ALOXE3: variants seen among roughly 807,000 people sequenced by gnomAD.
The protein encoded by ALOXE3 is arachidonate epidermal lipoxygenase 3, also known as hydroperoxide isomerase ALOXE3.
ALOXE3 carries 78 observed loss-of-function variants against 87.5 expected under a neutral mutation model. The observed-to-expected ratio is 0.89, with a 90% CI of 0.74 to 1.08. The LOEUF is 1.08. ALOXE3 is among the 50% of genes least tolerant of loss of function. ALOXE3 has a pLI of 0.00. For missense variants in ALOXE3, 946 were observed against 912.4 expected, an observed-to-expected ratio of 1.04 and a Z score of -0.47; for synonymous variants, 363 against 370.8, an observed-to-expected ratio of 0.98 and a Z score of 0.24.
rs201702875 is a variant in ALOXE3 at position 8,107,966 on chromosome 17, G to GAAAGGAA, written c.1684+501_1684+502insTTCCTTT. 7.7e-4 allele frequency among the ~76,000 whole-genome samples: 5 copies of GAAAGGAA among 6,476 alleles called. 1 individual carries two copies. The highest frequency in any genetic ancestry group is 2.9e-3 in the African/African-American group (5 of 1,734). 4.2% of individuals were successfully genotyped at this position (6,476 alleles called of 152,430 possible). A position where few individuals can be genotyped will look rare whatever the true frequency, so the allele number is the denominator to read the frequency against. The stretch of plus-strand genomic sequence containing the variant: ...GAAAGAAAGAAAGAAAGAAAGGAAG[G>GAAAGGAA]AGAGAGAGAGAGAGAGAAAGAAAGA... On this transcript the variant is annotated intron_variant, in intron 13 of 15. Transcript: ENST00000448843.
chr17:8,100,334 A>T (rs1455369530), intron 15 of ALOXE3, among the ~76,000 whole-genome samples: 1 of 152,028 alleles, frequency 6.6e-6, no homozygotes, highest in Non-Finnish European at 1.5e-5. Context: ...ATATGGAGAG[A>T]GAGAAAAACC....
At chr17:8,111,603 G>C in intron 7 of ALOXE3, 72 bp from the exon 8 acceptor site, 1 of 1,536,214 alleles carries the variant, frequency 6.5e-7, no homozygotes, top group Non-Finnish European at 9.0e-7. Flanking sequence ...CAAGTCCTTT[G>C]CTTATCATTG....
chr17:8,098,228 G>GTTTT (rs201308859), intron 15 of ALOXE3, among the ~76,000 whole-genome samples: 51 of 88,144 alleles, frequency 5.8e-4, no homozygotes, highest in East Asian at 3.7e-3. Flanking sequence ...TATACTTTTG[G>GTTTT]TTTTTGTTTT....
intron 8 of ALOXE3, 62 bp downstream of exon 8, chr17:8,111,297 G>C: frequency 6.3e-7 from 1 of 1,594,554 alleles, no homozygotes; most frequent in Non-Finnish European, 8.6e-7. Flanking sequence ...CACATCCCTT[G>C]TCCATAATGG....
At chr17:8,115,810 G>A in intron 3 of ALOXE3, 122 bp from the exon 4 acceptor site, 1 of 929,290 alleles carries the variant, frequency 1.1e-6, no homozygotes, top group Non-Finnish European at 1.8e-6. Context: ...TGAAACACGT[G>A]GCGGTGCCCC....
chr17:8,112,728 A>G (rs1313086531), intron 6 of ALOXE3, among the ~76,000 whole-genome samples: 1 of 152,180 alleles, frequency 6.6e-6, no homozygotes, highest in Non-Finnish European at 1.5e-5. Flanking sequence ...GGAGAGATGC[A>G]TACTCTTCAC....
intron 6 of ALOXE3, 100 bp downstream of exon 6, chr17:8,114,384 G>A: frequency 6.5e-7 from 1 of 1,535,592 alleles, no homozygotes; most frequent in Non-Finnish European, 9.0e-7. Flanking sequence ...GGCAGGGAGA[G>A]GGGATACTGG....
At position 8,108,509 on chromosome 17, in the gene ALOXE3, C is replaced by T. The variant is rs1204314023; in HGVS notation, c.1643G>A (p.Gly548Asp). The change falls in exon 13 of 16, where the codon GGC (glycine) becomes GAC (aspartate). Residue 548 changes from glycine to aspartate, a missense_variant. Coordinates refer to ENST00000448843, the MANE Select transcript of ALOXE3 (RefSeq NM_021628.3). ...QQDSELQAWTGEIFAQAFLGR... is the reference protein window; with the variant it reads ...QQDSELQAWTDEIFAQAFLGR... The stretch of plus-strand genomic sequence containing the variant: ...CAGGAACGCCTGAGCAAAAATCTCG[C>T]CAGTCCAGGCCTGCAGCTCCGAATC... 1.2e-6 allele frequency: 2 copies of T among 1,613,562 alleles called. No homozygotes were observed. Among genetic ancestry groups the T allele is most frequent in the South Asian group, 1.1e-5 (1 of 91,074 alleles).
chr17:8,112,326 G>A (rs181612459), intron 6 of ALOXE3, 130 bp from the exon 7 acceptor site: 19 of 711,816 alleles, frequency 2.7e-5, no homozygotes, highest in Admixed American at 2.5e-4. Context: ...AATCCACATG[G>A]GAGAAAAAGT....
At position 8,095,979 on chromosome 17, in the gene ALOXE3, G is replaced by A. The variant is rs531706167; in HGVS notation, c.*648C>T. 6.6e-6 allele frequency: 1 copy of A among 152,508 alleles called. No individual in the cohort carries two copies. Among genetic ancestry groups the A allele is most frequent in the East Asian group, 1.9e-4 (1 of 5,194 alleles). 9.4% of individuals were successfully genotyped at this position (152,508 alleles called of 1,614,324 possible). A position where few individuals can be genotyped will look rare whatever the true frequency, so the allele number is the denominator to read the frequency against. On this transcript the variant is annotated 3_prime_UTR_variant, in exon 16 of 16. Transcript: ENST00000448843. ...AAAAAAATGGGATGAAAGGGAGTGG[G>A]ATGAAAGGGGAGTTGGATGAAATCT...
At chr17:8,111,747 A>C (rs1442097684) in intron 7 of ALOXE3, among the ~76,000 whole-genome samples, 1 of 152,190 alleles carries the variant, frequency 6.6e-6, no homozygotes, top group East Asian at 1.9e-4. Flanking sequence ...TGAGAACCTA[A>C]GCCTTTCTGG....
intron 15 of ALOXE3, 60 bp downstream of exon 15, chr17:8,103,263 C>A (rs1254424066): frequency 2.5e-6 from 4 of 1,599,204 alleles, no homozygotes; most frequent in Non-Finnish European, 2.6e-6. Flanking sequence ...GACGAAGCCA[C>A]CACCACCCCT....
Position 8,116,877 on chromosome 17 carries a change from C to T in ALOXE3, c.251G>A (p.Cys84Tyr). Reference sequence around the variant, plus strand: ...CGGTTCGGTGACACAGATGCGGCTACAGTACCAAGAGTCCTTGCGGAAGAA... The same window carrying T: ...CGGTTCGGTGACACAGATGCGGCTATAGTACCAAGAGTCCTTGCGGAAGAA... Reference protein sequence around the residue: ...YAFFRKDSWYCSRICVTEPDG... With the variant: ...YAFFRKDSWYYSRICVTEPDG... The change falls in exon 3 of 16, where the codon TGT becomes TAT. Residue 84 changes from cysteine to tyrosine, a missense_variant. Transcript: ENST00000448843. The T allele has an allele frequency of 6.2e-7, 1 of 1,614,240 alleles. No homozygotes were observed. Among genetic ancestry groups the T allele is most frequent in the Non-Finnish European group, 8.5e-7 (1 of 1,180,030 alleles).
intron 13 of ALOXE3, among the ~76,000 whole-genome samples, chr17:8,105,109 G>A (rs1023343055): frequency 1.5e-4 from 23 of 152,102 alleles, no homozygotes; most frequent in Admixed American, 1.3e-3. Context: ...GTCACCCCTC[G>A]CTAAAACCCT....
chr17:8,118,230 T>G lies in ALOXE3; in HGVS notation c.-240A>C. 4 of 1,551,632 alleles carry G rather than the reference T, an allele frequency of 2.6e-6. No homozygotes were observed. The highest frequency in any genetic ancestry group is 3.5e-6 in the Non-Finnish European group (4 of 1,146,972). Reference sequence around the variant, plus strand: ...CGCCCACAGTCTTGCACTCTAATACTTGTTTGCTTGCCTCTGACACAGCCG... The same window carrying G: ...CGCCCACAGTCTTGCACTCTAATACGTGTTTGCTTGCCTCTGACACAGCCG... On this transcript the variant is annotated 5_prime_UTR_variant, in exon 2 of 16. Transcript: ENST00000448843.
In ALOXE3 at chr17:8,117,978, G is replaced by T; in HGVS notation, c.13C>A (p.Arg5Ser). ...TAGGGACCAGTGGTCACACACAGGCGGTACACTGCCATGATGGGAAGGAGG... is the reference window on the plus strand; with the variant it reads ...TAGGGACCAGTGGTCACACACAGGCTGTACACTGCCATGATGGGAAGGAGG... MAVY[R>S]LCVTTGPYLR... Residue 5 changes from arginine to serine, a missense_variant, in exon 2 of 16, where the codon CGC (arginine) becomes AGC (serine). By Grantham distance (110) the Arg-to-Ser change is moderately radical. Transcript: ENST00000448843. 1 of 1,611,432 alleles carries T rather than the reference G, an allele frequency of 6.2e-7. No homozygotes were observed. The highest frequency in any genetic ancestry group is 8.5e-7 in the Non-Finnish European group (1 of 1,179,692).
rs139454209 is a variant in ALOXE3, at chr17:8,108,526, C to G, written c.1626G>C (p.Glu542Asp). The change falls in exon 13 of 16, where the codon GAG (glutamate) becomes GAC (aspartate). Residue 542 changes from glutamate to aspartate, a missense_variant. Coordinates refer to ENST00000448843, the MANE Select transcript of ALOXE3 (RefSeq NM_021628.3). ...AAATCTCGCCAGTCCAGGCCTGCAG[C>G]TCCGAATCCTGCTGCACAGATGCGT... ...PSDASVQQDS[E>D]LQAWTGEIFA... 1.9e-6 allele frequency: 3 copies of G among 1,613,506 alleles called. No individual in the cohort carries two copies.
rs145695120 is a variant in ALOXE3, at chr17:8,109,297, C to T, written c.1439G>A (p.Gly480Asp). The T allele has an allele frequency of 1.9e-6, 3 of 1,614,010 alleles. No individual in the cohort carries two copies. The highest frequency in any genetic ancestry group is 3.3e-5 in the Admixed American group (2 of 60,012). ...RQGLIYLMST[G>D]LAHFTYTNFC... The stretch of plus-strand genomic sequence containing the variant: ...ATTGGTGTAGGTGAAGTGGGCCAGG[C>T]CCGTGCTCATGAGGTAGATGAGGCC... Residue 480 changes from glycine (G) to aspartate (D), a missense_variant, in exon 12 of 16, where the codon GGC becomes GAC. By Grantham distance (94) the Gly-to-Asp change is moderately conservative. Transcript: ENST00000448843.
At chr17:8,113,924 C>G (rs1980332200) in intron 6 of ALOXE3, among the ~76,000 whole-genome samples, 1 of 151,548 alleles carries the variant, frequency 6.6e-6, no homozygotes, top group Non-Finnish European at 1.5e-5. Context: ...ACTCAGGAGG[C>G]TGAGGCAGGA....
Sources: gnomAD v4.1 joint callset for allele counts (sites outside exome capture counted in the v4.1 genomes callset) on GRCh38, gnomAD v4.1.1 for gene constraint, MANE v1.5 for transcripts, NCBI Gene and HGNC (gene_info 2026-07-23, HGNC 2026-07-21) for gene names.